The following ADCY7 variants were observed in gnomAD, a reference collection of about 807,000 sequenced individuals.
ADCY7 encodes the protein adenylate cyclase type 7.
Under a neutral mutation model 120.6 loss-of-function variants are expected in ADCY7, and 72 were observed. The observed-to-expected ratio is 0.60, with a 90% CI of 0.49 to 0.73. ADCY7 has a LOEUF of 0.73. Among genes scored for constraint, ADCY7 ranks in the 30% least tolerant of loss-of-function variants. The probability of loss-of-function intolerance (pLI) is 0.00; values close to 1 mark genes in which losing one functional copy is unlikely to be tolerated. For missense variants in ADCY7, 1,227 were observed against 1,486.0 expected (o/e 0.83, Z 2.87); for synonymous variants, 661 against 628.0 (o/e 1.05, Z -0.78).
At chr16:50,272,857 T>C (rs1336171782) in intron 1 of ADCY7, among the ~76,000 whole-genome samples, 1 of 152,166 alleles carries the variant, frequency 6.6e-6, no homozygotes, top group East Asian at 1.9e-4. Flanking sequence ...CCTTTTAAGC[T>C]GTCTGAAGGA....
At chr16:50,258,720 G>A (rs2150795160) in intron 1 of ADCY7, among the ~76,000 whole-genome samples, 1 of 151,614 alleles carries the variant, frequency 6.6e-6, no homozygotes, top group Middle Eastern at 3.4e-3. Context: ...AGCCTCCCAA[G>A]TAGCTGGGAC....
intron 1 of ADCY7, among the ~76,000 whole-genome samples, chr16:50,285,487 C>G (rs1387843125): frequency 6.6e-6 from 1 of 152,202 alleles, no homozygotes; most frequent in Non-Finnish European, 1.5e-5. Flanking sequence ...CCCTGGATAT[C>G]CTGCTTTTTG....
At chr16:50,298,742 C>T (rs1361517044) in intron 7 of ADCY7, among the ~76,000 whole-genome samples, 162 bp from the exon 8 acceptor site, 11 of 152,172 alleles carry the variant, frequency 7.2e-5, no homozygotes, top group Non-Finnish European at 2.9e-5. Flanking sequence ...GTCGCTAAGC[C>T]TTTTGCCAGG....
chr16:50,302,578 C>T (rs1213155699), intron 10 of ADCY7, among the ~76,000 whole-genome samples: 1 of 150,670 alleles, frequency 6.6e-6, no homozygotes, highest in Admixed American at 6.6e-5. Context: ...CCCTACCCCA[C>T]CCTCTTTTTT....
chr16:50,291,830 C>A lies in ADCY7; in HGVS notation c.470C>A (p.Ser157Tyr), dbSNP rs1039919675. 22 of 1,613,944 alleles carry A rather than the reference C, an allele frequency of 1.4e-5. No homozygotes were observed. The highest frequency in any genetic ancestry group is 2.7e-5 in the African/African-American group (2 of 74,938). The stretch of plus-strand genomic sequence containing the variant: ...GCCGTTGGGGCCGTCTCCACTGCCT[C>A]CCACCTCCTGGTGCTCGGTTCTTTG... Reference protein sequence around the residue: ...AVAVGAVSTASHLLVLGSLMG... With the variant: ...AVAVGAVSTAYHLLVLGSLMG... Residue 157 changes from serine (S) to tyrosine (Y), a missense_variant, in exon 4 of 26, where the codon TCC (serine) becomes TAC (tyrosine). Transcript: ENST00000673801.
At position 50,252,154 on chromosome 16, in the gene ADCY7, A is replaced by T. The variant is rs543652034; in HGVS notation, c.-64+5951A>T. 2.3e-4 allele frequency among the ~76,000 whole-genome samples: 35 copies of T among 151,936 alleles called. No homozygotes were observed. The South Asian group carries it at 4.6e-3, about 20-fold the overall frequency. ...GCTGTTTTTTTTCCTTTTTGGGTGT[A>T]TGTAGGCAGGCAGTCCTTTCTCTGT... is the stretch of plus-strand genomic sequence containing the variant. On this transcript the variant is annotated intron_variant, in intron 1 of 4. Transcript: ENST00000564044.
At chr16:50,262,019 G>A (rs144702684), upstream of ADCY7, among the ~76,000 whole-genome samples, 1 of 152,170 alleles carries the variant, frequency 6.6e-6, no homozygotes, top group Non-Finnish European at 1.5e-5. Context: ...CCCAGTAAGG[G>A]CTCGACATCT....
rs1013905159 is a variant in ADCY7, at chr16:50,293,246, G to A, written c.688-108G>A. Reference sequence around the variant, plus strand: ...AGGGCAGGCAGGCAGGGAGGATGGGGGCCAAGGAGGCCAGGTCTGGGACCT... The same window carrying A: ...AGGGCAGGCAGGCAGGGAGGATGGGAGCCAAGGAGGCCAGGTCTGGGACCT... On this transcript the variant is annotated intron_variant, in intron 5 of 25. Transcript: ENST00000673801. 5.3e-6 allele frequency: 7 copies of A among 1,309,560 alleles called. No individual in the cohort carries two copies. The African/African-American group carries it at 8.7e-5, about 16-fold the overall frequency. 81.1% of individuals were successfully genotyped at this position (1,309,560 alleles called of 1,614,324 possible).
chr16:50,307,226 G>A, intron 15 of ADCY7, 79 bp downstream of exon 15: 1 of 1,423,352 alleles, frequency 7.0e-7, no homozygotes, highest in Non-Finnish European at 9.7e-7. Context: ...GCAAGGAGCT[G>A]TGTGATTTGG....
chr16:50,301,100 G>T lies in ADCY7; in HGVS notation c.1254G>T (p.Glu418Asp). 6.2e-7 allele frequency: 1 copy of T among 1,613,888 alleles called. No individual in the cohort carries two copies. ...CCCGTAGCCGGGTGCACATCACGGAGGCCACGCTAAAGCACCTGGACAAGG... is the reference window on the plus strand; with the variant it reads ...CCCGTAGCCGGGTGCACATCACGGATGCCACGCTAAAGCACCTGGACAAGG... ...AGVPGRVHIT[E>D]ATLKHLDKAY... is the part of the protein sequence containing the mutation. Residue 418 changes from glutamate to aspartate, a missense_variant, in exon 10 of 26, where the codon GAG becomes GAT. Physicochemically the swap from Glu to Asp is conservative, Grantham distance 45 (BLOSUM62 2). Coordinates refer to ENST00000673801, the MANE Select transcript of ADCY7 (RefSeq NM_001114.5).
rs533353882 is a variant in ADCY7, at chr16:50,257,278, G to A, written c.-64+11075G>A. On this transcript the variant is annotated intron_variant, in intron 1 of 4. Transcript: ENST00000564044. ...CCAATTGAACTCAGAAGCAGCAAGT[G>A]GAAGGGTGGTTACCAGAGGCTGTGT... 2.8e-3 allele frequency among the ~76,000 whole-genome samples: 429 copies of A among 152,140 alleles called. 3 individuals carry two copies. Among genetic ancestry groups the A allele is most frequent in the African/African-American group, 9.9e-3 (412 of 41,472 alleles).
intron 1 of ADCY7, among the ~76,000 whole-genome samples, chr16:50,269,650 A>G (rs754449096): frequency 6.6e-6 from 1 of 152,152 alleles, no homozygotes; most frequent in Non-Finnish European, 1.5e-5. Flanking sequence ...CCTGACCCTC[A>G]GCACCGCTCC....
Position 50,301,195 on chromosome 16 carries a change from A to G in ADCY7, c.1349A>G (p.Tyr450Cys). 6.2e-7 allele frequency: 1 copy of G among 1,603,336 alleles called. No homozygotes were observed. Among genetic ancestry groups the G allele is most frequent in the South Asian group, 1.1e-5 (1 of 89,554 alleles). The change falls in exon 10 of 26, where the codon TAC becomes TGC. Residue 450 changes from tyrosine to cysteine, a missense_variant. Around this residue, in one of 5 missense-constraint regions of ADCY7, gnomAD observed 332 missense variants for 455.8 expected, o/e 0.73. Transcript: ENST00000673801. Reference protein sequence around the residue: ...PYLKEMNIRTYLVIDPRSQQP... With the variant: ...PYLKEMNIRTCLVIDPRSQQP... The stretch of plus-strand genomic sequence containing the variant: ...CTCAAGGAGATGAACATCCGCACCT[A>G]CCTGGTCATCGACCCCCGGGTACGA...
chr16:50,290,412 G>C, intron 2 of ADCY7, 45 bp from the exon 3 acceptor site: 1 of 1,609,190 alleles, frequency 6.2e-7, no homozygotes, highest in Non-Finnish European at 8.5e-7. Context: ...AGGTGGCTCT[G>C]CACTGGGGAA....
chr16:50,278,138 C>A (rs1363517207), intron 1 of ADCY7, among the ~76,000 whole-genome samples: 1 of 152,000 alleles, frequency 6.6e-6, no homozygotes, highest in Non-Finnish European at 1.5e-5. Context: ...CTCCTGAGTT[C>A]AAGCGATTCT....
chr16:50,270,936 C>T (rs2033530889), intron 1 of ADCY7, among the ~76,000 whole-genome samples: 2 of 152,192 alleles, frequency 1.3e-5, no homozygotes, highest in Admixed American at 6.5e-5. Context: ...GTGGCCCCCT[C>T]CCCACCAAGG....
intron 5 of ADCY7, among the ~76,000 whole-genome samples, 196 bp from the exon 6 acceptor site, chr16:50,293,158 A>G (rs890522074): frequency 2.0e-5 from 3 of 152,108 alleles, no homozygotes; most frequent in African/African-American, 7.2e-5. Flanking sequence ...TGCTGGGTAC[A>G]TGGGAGGTAG....
intron 7 of ADCY7, among the ~76,000 whole-genome samples, chr16:50,298,031 T>C (rs2035469711): frequency 6.6e-6 from 1 of 151,878 alleles, no homozygotes. Context: ...CTCAGAGGGC[T>C]CTCGGGGGTC....
At chr16:50,294,386 G>C (rs1234486703) in intron 6 of ADCY7, among the ~76,000 whole-genome samples, 2 of 152,212 alleles carry the variant, frequency 1.3e-5, no homozygotes, top group Non-Finnish European at 2.9e-5. Flanking sequence ...CAGTGATAGG[G>C]CCTGGGGTGG....
Sources: allele counts gnomAD v4.1 joint callset (sites outside exome capture counted in the v4.1 genomes callset), GRCh38; gene constraint gnomAD v4.1.1; regional missense constraint gnomAD v4.1.1; transcripts MANE v1.5; gene names NCBI Gene and HGNC (gene_info 2026-07-23, HGNC 2026-07-21).